The following PCDHA6 variants were observed in gnomAD, a reference collection of about 807,000 sequenced individuals.
The protein encoded by PCDHA6 is protocadherin alpha-6.
PCDHA6 carries 55 observed loss-of-function variants against 60.3 expected under a neutral mutation model. The ratio of observed to expected loss-of-function variants is 0.91; its 90% CI spans 0.73 to 1.14. PCDHA6 has a LOEUF of 1.14. PCDHA6 is among the 50% of genes most tolerant of loss of function. The pLI is 0.00. For missense variants in PCDHA6, 1,327 were observed against 1,256.5 expected (o/e 1.06, Z -0.85); for synonymous variants, 652 against 557.9 (o/e 1.17, Z -2.38).
chr5:140,860,192 C>CATATATATATATATATATATATAT (rs143984774), intron 1 of PCDHA6: 72 of 146,840 alleles, frequency 4.9e-4, no homozygotes, highest in Middle Eastern at 3.6e-3. Context: ...GCTCTCCTTA[C>CATATATATATATATATATATATAT]ATATATATCT....
chr5:140,869,252 A>G (rs1204781858), intron 1 of PCDHA6: 2 of 1,613,490 alleles, frequency 1.2e-6, no homozygotes, highest in African/African-American at 2.7e-5. Flanking sequence ...CGCATCGCGC[A>G]GGACCTGGGG....
intron 1 of PCDHA6, chr5:140,883,566 C>A: frequency 1.2e-5 from 19 of 1,614,176 alleles, no homozygotes; most frequent in Non-Finnish European, 1.5e-5. Flanking sequence ...GGGGGCTCGC[C>A]TTCGCTGTGG....
At chr5:140,883,986 C>T in intron 1 of PCDHA6, 1 of 1,612,808 alleles carries the variant, frequency 6.2e-7, no homozygotes, top group Non-Finnish European at 8.5e-7. Flanking sequence ...GCTGGCAGCG[C>T]GGGAGGCACA....
chr5:140,866,472 CT>C (rs2049389020), intron 1 of PCDHA6: 2 of 152,112 alleles, frequency 1.3e-5, no homozygotes, highest in Non-Finnish European at 2.9e-5. Flanking sequence ...CTCATAACAA[CT>C]GACAAATGAT....
intron 1 of PCDHA6, among the ~76,000 whole-genome samples, chr5:140,953,639 AG>A (rs1227582024): frequency 6.6e-6 from 1 of 152,152 alleles, no homozygotes; most frequent in African/African-American, 2.4e-5. Context: ...TATTTTGGCC[AG>A]GAGCTATAGT....
At chr5:140,846,476 A>G (rs2150391448) in intron 1 of PCDHA6, among the ~76,000 whole-genome samples, 10 of 143,712 alleles carry the variant, frequency 7.0e-5, no homozygotes, top group Admixed American at 2.1e-4. Context: ...CCGGGTTCAA[A>G]TGATTCTCCT....
At chr5:140,859,740 G>A (rs2045997689) in intron 1 of PCDHA6, 1 of 154,064 alleles carries the variant, frequency 6.5e-6, no homozygotes. Flanking sequence ...ATTTAAGCAT[G>A]GCATTCTTTC....
chr5:140,920,630 G>A (rs937787340), intron 1 of PCDHA6, among the ~76,000 whole-genome samples: 1 of 152,060 alleles, frequency 6.6e-6, no homozygotes, highest in Non-Finnish European at 1.5e-5. Flanking sequence ...TGGATCACAA[G>A]GTCAAGAGAT....
At chr5:140,954,834 G>A (rs879960376) in intron 1 of PCDHA6, among the ~76,000 whole-genome samples, 1 of 152,154 alleles carries the variant, frequency 6.6e-6, no homozygotes, top group African/African-American at 2.4e-5. Context: ...CTTTTGTCAT[G>A]AAATCTTTGC....
intron 1 of PCDHA6, among the ~76,000 whole-genome samples, chr5:140,955,276 T>A (rs1485560412): frequency 6.6e-6 from 1 of 152,120 alleles, no homozygotes; most frequent in Non-Finnish European, 1.5e-5. Flanking sequence ...TTTGGTTCCA[T>A]ATTGATATGG....
At position 140,876,102 on chromosome 5, in the gene PCDHA6, A is replaced by G. The variant is rs1363448025; in HGVS notation, c.2394+45617A>G. 4 of 1,613,844 alleles carry G rather than the reference A, an allele frequency of 2.5e-6. No individual in the cohort carries two copies. The African/African-American group carries it at 4.0e-5, about 16-fold the overall frequency. ...GAGAGCAAACGCCAAAACTCAATTT[A>G]TTGCTGATGGTAATCGATGGCGGTA... On this transcript the variant is annotated intron_variant, in intron 1 of 3. Coordinates refer to ENST00000529310, the MANE Select transcript of PCDHA6 (RefSeq NM_018909.4).
chr5:140,836,240 C>T, intron 1 of PCDHA6: 4 of 1,613,780 alleles, frequency 2.5e-6, no homozygotes, highest in Non-Finnish European at 3.4e-6. Context: ...CCGGTGCGAG[C>T]ATCCCGTTCC....
At chr5:140,856,571 G>T in intron 1 of PCDHA6, 1 of 1,597,838 alleles carries the variant, frequency 6.3e-7, no homozygotes, top group African/African-American at 1.3e-5. Context: ...CAGTCCAAAT[G>T]AGTATTTTGT....
intron 1 of PCDHA6, chr5:140,883,969 G>C: frequency 6.2e-7 from 1 of 1,612,962 alleles, no homozygotes; most frequent in Non-Finnish European, 8.5e-7. Context: ...CGCTGCTGAC[G>C]CCCGGGGCTG....
chr5:140,874,216 C>A (rs1482061600), intron 1 of PCDHA6, among the ~76,000 whole-genome samples: 1 of 152,146 alleles, frequency 6.6e-6, no homozygotes, highest in African/African-American at 2.4e-5. Flanking sequence ...TTATTATATG[C>A]AGTAGGAATG....
chr5:140,868,981 G>T, intron 1 of PCDHA6: 1 of 1,492,270 alleles, frequency 6.7e-7, no homozygotes, highest in Non-Finnish European at 9.0e-7. Context: ...CATCATACCG[G>T]ATGCCACCGT....
chr5:140,927,674 A>T (rs201769803), intron 1 of PCDHA6: 1 of 1,614,182 alleles, frequency 6.2e-7, no homozygotes, highest in Non-Finnish European at 8.5e-7. Flanking sequence ...TTGGATCCAG[A>T]TGAAGGGTCC....
intron 1 of PCDHA6, chr5:140,883,246 AAATATTCCAATGGCGGG>A: frequency 6.2e-7 from 1 of 1,614,082 alleles, no homozygotes; most frequent in Admixed American, 1.7e-5. Context: ...TTGACAAAGG[AAATATTCCAATGGCGGG>A]TCATTGTACC....
In PCDHA6 at chr5:140,877,219, C is replaced by T. The variant is rs200698690; in HGVS notation, c.2394+46734C>T. 9 of 1,613,720 alleles carry T rather than the reference C, an allele frequency of 5.6e-6. No homozygotes were observed. Among genetic ancestry groups the T allele is most frequent in the East Asian group, 4.5e-5 (2 of 44,860 alleles). Reference sequence around the variant, plus strand: ...AGGCGCAGTTAGCGAGTTGGTACCGCGGTCGGTGGGTGCGGGCCACGTGGT... The same window carrying T: ...AGGCGCAGTTAGCGAGTTGGTACCGTGGTCGGTGGGTGCGGGCCACGTGGT... On this transcript the variant is annotated intron_variant, in intron 1 of 3. Transcript: ENST00000529310.
Sources: gnomAD v4.1 joint callset for allele counts (sites outside exome capture counted in the v4.1 genomes callset) on GRCh38, gnomAD v4.1.1 for gene constraint, MANE v1.5 for transcripts, NCBI Gene and HGNC (gene_info 2026-07-23, HGNC 2026-07-21) for gene names.